PTPRD: variants seen among roughly 807,000 people sequenced by gnomAD.
PTPRD encodes the protein protein tyrosine phosphatase receptor type D.
Under a neutral mutation model 214.5 loss-of-function variants are expected in PTPRD, and 34 were observed. The observed-to-expected ratio is 0.16, with a 90% confidence interval of 0.12 to 0.21. The LOEUF (loss-of-function observed/expected upper bound fraction) is 0.21. Ranked by LOEUF, PTPRD falls within the 10% of genes least tolerant of loss-of-function variation. The probability of loss-of-function intolerance (pLI) is 1.00; values close to 1 mark genes in which losing one functional copy is unlikely to be tolerated. For synonymous variants in PTPRD, 1,128 were observed against 845.7 expected, an observed-to-expected ratio of 1.33 and a Z score of -5.79; for missense variants, 2,545 against 2,398.7, an observed-to-expected ratio of 1.06 and a Z score of -1.27.
intron 3 of PTPRD, among the ~76,000 whole-genome samples, chr9:10,225,336 A>G (rs1033028178): frequency 2.0e-5 from 3 of 152,060 alleles, no homozygotes; most frequent in Admixed American, 6.6e-5. Context: ...AGTGCTATAC[A>G]CCGTAATTTG....
chr9:10,014,685 G>A (rs932500336), intron 4 of PTPRD, among the ~76,000 whole-genome samples: 3 of 151,972 alleles, frequency 2.0e-5, no homozygotes, highest in South Asian at 2.1e-4. Flanking sequence ...AATAAGAATA[G>A]AACAAGGAAA....
At chr9:9,953,521 C>CACAT (rs376614417) in intron 4 of PTPRD, among the ~76,000 whole-genome samples, 13 of 149,072 alleles carry the variant, frequency 8.7e-5, no homozygotes, top group South Asian at 2.1e-4. Flanking sequence ...CACACACACA[C>CACAT]ACATACATAC....
chr9:10,549,257 G>T (rs80348702), intron 2 of PTPRD, among the ~76,000 whole-genome samples: 1 of 152,072 alleles, frequency 6.6e-6, no homozygotes, highest in African/African-American at 2.4e-5. Context: ...ATAATGCAAT[G>T]TTGTGTCAAA....
intron 2 of PTPRD, among the ~76,000 whole-genome samples, chr9:10,605,328 G>A (rs1312021330): frequency 6.6e-6 from 1 of 151,814 alleles, no homozygotes; most frequent in Non-Finnish European, 1.5e-5. Flanking sequence ...TATGAATTTG[G>A]AAATATAAGG....
At position 10,259,026 on chromosome 9, in the gene PTPRD, G is replaced by GT. The variant is rs775771467; in HGVS notation, c.-545+81936dup. ...TTTCTTTTGTTTTGTTTTGTTTTTT[G>GT]TTTTTTTTGTTTTTGAGACGGAGTC... On this transcript the variant is annotated intron_variant, in intron 3 of 45. Transcript: ENST00000381196. 1.1e-3 allele frequency among the ~76,000 whole-genome samples: 163 copies of GT among 151,438 alleles called. 1 individual carries two copies. The highest frequency in any genetic ancestry group is 6.7e-3 in the Admixed American group (101 of 15,178).
intron 8 of PTPRD, among the ~76,000 whole-genome samples, chr9:9,411,262 CT>C (rs34617237): frequency 3.5e-4 from 49 of 139,836 alleles, no homozygotes; most frequent in South Asian, 2.2e-3. Context: ...AGCATTGTGT[CT>C]TTTTTTTTTT....
chr9:8,856,684 G>A (rs1426978021), intron 11 of PTPRD, among the ~76,000 whole-genome samples: 1 of 152,164 alleles, frequency 6.6e-6, no homozygotes. Context: ...GGCAAGTAGC[G>A]TACTGGGAGG....
rs1050434662 is a variant in PTPRD, at chr9:9,877,148, T to G, written c.-368+61359A>C. On this transcript the variant is annotated intron_variant, in intron 5 of 45. Transcript: ENST00000381196. ...ATTTGAAATTTATCATAGTAATTCT[T>G]GGGATATAGTGGTAGCACTTCAGTA... Among the ~76,000 whole-genome samples the G allele has an allele frequency of 4.6e-5, 7 of 152,298 alleles. No individual in the cohort carries two copies. In the East Asian group the frequency reaches 1.4e-3, roughly 29 times the overall value.
chr9:8,592,638 T>G (rs1019970848), intron 14 of PTPRD, among the ~76,000 whole-genome samples: 6 of 152,144 alleles, frequency 3.9e-5, no homozygotes, highest in African/African-American at 1.4e-4. Flanking sequence ...CTGATGTCTT[T>G]TCTTTATTCA....
intron 4 of PTPRD, among the ~76,000 whole-genome samples, chr9:9,962,920 T>C (rs1385378962): frequency 6.6e-6 from 1 of 152,050 alleles, no homozygotes; most frequent in African/African-American, 2.4e-5. Context: ...TAAACTTACG[T>C]CAAACACTAG....
intron 3 of PTPRD, among the ~76,000 whole-genome samples, chr9:10,122,861 A>C (rs954367904): frequency 1.3e-5 from 2 of 152,208 alleles, no homozygotes; most frequent in African/African-American, 2.4e-5. Context: ...AGCAGTTGTA[A>C]ACTGGAACCT....
rs540179493 is a variant in PTPRD, at chr9:10,031,520, G to T, written c.-472+2198C>A. ...CCTGCCCTGGAACATCGGATGCCAG[G>T]TTCTTCAGTTGTGAGACTCGGACTG... On this transcript the variant is annotated intron_variant, in intron 4 of 45. Coordinates refer to ENST00000381196, the MANE Select transcript of PTPRD (RefSeq NM_002839.4). Among the ~76,000 whole-genome samples, 7 of 150,772 alleles carry T rather than the reference G, an allele frequency of 4.6e-5. No homozygotes were observed. In the South Asian group the frequency reaches 1.5e-3, roughly 32 times the overall value.
At chr9:9,069,689 C>T (rs2099740938) in intron 10 of PTPRD, among the ~76,000 whole-genome samples, 1 of 152,194 alleles carries the variant, frequency 6.6e-6, no homozygotes, top group Admixed American at 6.5e-5. Flanking sequence ...ACCTTCTAAA[C>T]TTAACCATTG....
At chr9:8,989,071 C>T (rs1039568291) in intron 11 of PTPRD, among the ~76,000 whole-genome samples, 41 of 151,920 alleles carry the variant, frequency 2.7e-4, no homozygotes, top group African/African-American at 9.7e-4. Flanking sequence ...CTACCTATGT[C>T]TCAGTTTTTT....
chr9:10,579,638 G>A (rs2132335167), intron 2 of PTPRD, among the ~76,000 whole-genome samples: 1 of 152,254 alleles, frequency 6.6e-6, no homozygotes, highest in South Asian at 2.1e-4. Context: ...ACCCAGTAAT[G>A]GGATTGCTGG....
intron 4 of PTPRD, among the ~76,000 whole-genome samples, chr9:10,024,013 C>A (rs2096873963): frequency 6.6e-6 from 1 of 152,078 alleles, no homozygotes; most frequent in Non-Finnish European, 1.5e-5. Context: ...TATTTCCAAT[C>A]ATGAGTACTT....
chr9:8,817,936 G>T (rs1419606126), intron 11 of PTPRD, among the ~76,000 whole-genome samples: 1 of 152,064 alleles, frequency 6.6e-6, no homozygotes, highest in Non-Finnish European at 1.5e-5. Flanking sequence ...GTTGCTCAGG[G>T]GTTTTTAAAA....
intron 3 of PTPRD, among the ~76,000 whole-genome samples, chr9:10,092,135 T>A (rs903578365): frequency 2.0e-5 from 3 of 151,402 alleles, no homozygotes; most frequent in Non-Finnish European, 4.4e-5. Context: ...CAGTAGAACT[T>A]AAGGGAATAG....
chr9:10,002,174 G>T (rs1221832585), intron 4 of PTPRD, among the ~76,000 whole-genome samples: 1 of 149,970 alleles, frequency 6.7e-6, no homozygotes, highest in Non-Finnish European at 1.5e-5. Flanking sequence ...TTAAAAAATA[G>T]AATAAATAAC....
Sources: gnomAD v4.1 joint callset for allele counts (sites outside exome capture counted in the v4.1 genomes callset) on GRCh38, gnomAD v4.1.1 for gene constraint, MANE v1.5 for transcripts, NCBI Gene and HGNC (gene_info 2026-07-23, HGNC 2026-07-21) for gene names.